Variants in LRRC37A2 observed in about 807,000 individuals in gnomAD.
LRRC37A2 encodes leucine rich repeat containing 37 member A2.
In LRRC37A2, 9 loss-of-function variants were observed where a neutral mutation model predicts 68.8. The ratio of observed to expected loss-of-function variants is 0.13; its 90% CI spans 0.08 to 0.23. LRRC37A2 has a LOEUF of 0.23. Ranked by LOEUF, LRRC37A2 falls within the 10% of genes least tolerant of loss-of-function variation. The pLI is 1.00. For missense variants in LRRC37A2, 168 were observed against 950.4 expected (o/e 0.18, Z 10.82); for synonymous variants, 63 against 367.6 (o/e 0.17, Z 9.48).
the LRRC37A2 span, among the ~76,000 whole-genome samples, chr17:46,974,987 CTTTTTTTTT>C: frequency 0.55 from 65,868 of 119,658 alleles, 15,922 homozygotes; most frequent in Middle Eastern, 0.64. Flanking sequence ...TTACTATTTT[CTTTTTTTTT>C]TTTTTTTTTT....
At chr17:46,975,439 T>G in the LRRC37A2 span, 3 of 152,398 alleles carry the variant, frequency 2.0e-5, no homozygotes, top group Admixed American at 2.0e-4. Context: ...TGTCTGGCTC[T>G]GCCCTGGAGC....
At chr17:46,939,734 G>A in the LRRC37A2 span, 4 of 987,126 alleles carry the variant, frequency 4.1e-6, no homozygotes, top group Non-Finnish European at 4.8e-6. Context: ...TCTGTAGTGT[G>A]TATGTCCTTG....
At chr17:46,997,806 T>C in the LRRC37A2 span, among the ~76,000 whole-genome samples, 36 of 151,942 alleles carry the variant, frequency 2.4e-4, no homozygotes, top group African/African-American at 7.5e-4. Context: ...CCCATCTCTA[T>C]GAAAAATACA....
chr17:47,020,086 C>A, the LRRC37A2 span, among the ~76,000 whole-genome samples: 5 of 150,720 alleles, frequency 3.3e-5, no homozygotes, highest in Non-Finnish European at 5.9e-5. Flanking sequence ...TTTTGCTTCA[C>A]CCTCTTTACA....
chr17:46,491,355 A>C, the LRRC37A2 span, among the ~76,000 whole-genome samples: 2 of 147,580 alleles, frequency 1.4e-5, no homozygotes, highest in South Asian at 4.2e-4. Context: ...AATTTAAAAA[A>C]TTAATTTTGA....
the LRRC37A2 span, among the ~76,000 whole-genome samples, chr17:47,002,803 A>G: frequency 3.3e-5 from 5 of 149,910 alleles, no homozygotes; most frequent in Admixed American, 6.7e-5. Flanking sequence ...AACCATCCCC[A>G]CCTCCCCACA....
At chr17:46,810,741 C>G in the LRRC37A2 span, among the ~76,000 whole-genome samples, 2 of 152,014 alleles carry the variant, frequency 1.3e-5, no homozygotes, top group Non-Finnish European at 2.9e-5. Flanking sequence ...GACCTGAACG[C>G]GGAATACAGC....
At chr17:46,935,338 G>A in the LRRC37A2 span, 1 of 1,479,474 alleles carries the variant, frequency 6.8e-7, no homozygotes, top group Non-Finnish European at 8.9e-7. Context: ...GTTATTGTGA[G>A]CCTGAAAGTA....
the LRRC37A2 span, among the ~76,000 whole-genome samples, chr17:47,024,340 G>A: frequency 1.2e-3 from 185 of 152,284 alleles, 1 homozygote; most frequent in African/African-American, 4.1e-3. Flanking sequence ...TAAGGTTTGG[G>A]AAAAGAGAGG....
the LRRC37A2 span, among the ~76,000 whole-genome samples, chr17:46,998,540 G>T: frequency 1.3e-5 from 2 of 152,136 alleles, no homozygotes; most frequent in African/African-American, 4.8e-5. Flanking sequence ...CAGAGCTGTC[G>T]GCTTCTGCAG....
At chr17:47,028,233 T>C in the LRRC37A2 span, 1 of 1,223,362 alleles carries the variant, frequency 8.2e-7, no homozygotes, top group Non-Finnish European at 1.2e-6. Context: ...ATAAATGTTC[T>C]GAAATAATTA....
At chr17:46,861,140 G>A in the LRRC37A2 span, among the ~76,000 whole-genome samples, 1 of 152,210 alleles carries the variant, frequency 6.6e-6, no homozygotes, top group South Asian at 2.1e-4. Context: ...GTCCCCTTAG[G>A]GCAGCTCTGT....
At chr17:47,033,465 G>A in the LRRC37A2 span, 1 of 682,820 alleles carries the variant, frequency 1.5e-6, no homozygotes, top group African/African-American at 1.8e-5. Context: ...CATCTGATCT[G>A]CTTATTTCTT....
the LRRC37A2 span, among the ~76,000 whole-genome samples, chr17:46,500,709 T>C: frequency 6.6e-6 from 1 of 151,212 alleles, no homozygotes; most frequent in East Asian, 1.9e-4. Context: ...TTCTTTTTTT[T>C]CCAATATCTT....
chr17:46,941,215 G>A, the LRRC37A2 span: 3 of 997,120 alleles, frequency 3.0e-6, no homozygotes, highest in Non-Finnish European at 3.6e-6. Context: ...TAAGTTAGAG[G>A]AGTCTTGATT....
chr17:46,789,943 C>T, the LRRC37A2 span, among the ~76,000 whole-genome samples: 2 of 152,222 alleles, frequency 1.3e-5, no homozygotes, highest in African/African-American at 2.4e-5. Flanking sequence ...AGGAGGGCTT[C>T]TTTGCGCCTC....
the LRRC37A2 span, chr17:46,941,113 G>A: frequency 2.0e-6 from 2 of 1,022,244 alleles, no homozygotes; most frequent in Non-Finnish European, 1.2e-6. Context: ...TTTAAAACAG[G>A]TGGGTTATCA....
At chr17:46,678,437 A>G in the LRRC37A2 span, among the ~76,000 whole-genome samples, 1 of 146,058 alleles carries the variant, frequency 6.8e-6, no homozygotes, top group Non-Finnish European at 1.5e-5. Context: ...ACTGAAAGAT[A>G]TAAGATGAAA....
At chr17:47,046,206 T>C in the LRRC37A2 span, among the ~76,000 whole-genome samples, 2 of 133,740 alleles carry the variant, frequency 1.5e-5, no homozygotes, top group Non-Finnish European at 3.2e-5. Context: ...TAGCTGGGCA[T>C]GGTGGTGCAA....
Sources: allele counts gnomAD v4.1 joint callset (sites outside exome capture counted in the v4.1 genomes callset), GRCh38; gene constraint gnomAD v4.1.1; transcripts MANE v1.5; gene names NCBI Gene and HGNC (gene_info 2026-07-23, HGNC 2026-07-21).